Variants in CHCHD6 observed in about 807,000 individuals in gnomAD.
The protein encoded by CHCHD6 is coiled-coil-helix-coiled-coil-helix domain containing 6, also known as MICOS complex subunit MIC25.
In CHCHD6, 28 loss-of-function variants were observed where a neutral mutation model predicts 32.3. That is an observed-to-expected ratio of 0.87 (90% CI 0.64 to 1.19). The LOEUF is 1.19. Ranked by LOEUF, CHCHD6 falls within the 50% of genes most tolerant of loss-of-function variation. The pLI is 0.00. For missense variants in CHCHD6, 333 were observed against 307.0 expected (o/e 1.08, Z -0.63); for synonymous variants, 122 against 117.5 (o/e 1.04, Z -0.25).
intron 5 of CHCHD6, among the ~76,000 whole-genome samples, chr3:126,882,698 A>G (rs962563681): frequency 4.6e-5 from 7 of 152,204 alleles, no homozygotes; most frequent in African/African-American, 1.7e-4. Flanking sequence ...AACCTTTCTA[A>G]GGCAATTATC....
intron 4 of CHCHD6, among the ~76,000 whole-genome samples, chr3:126,747,328 T>C (rs2107666184): frequency 6.6e-6 from 1 of 152,332 alleles, no homozygotes; most frequent in Non-Finnish European, 1.5e-5. Flanking sequence ...TTTCTACTGC[T>C]TATCTGGGAT....
intron 4 of CHCHD6, among the ~76,000 whole-genome samples, chr3:126,760,412 T>A (rs1370066040): frequency 6.6e-6 from 1 of 152,246 alleles, no homozygotes; most frequent in East Asian, 1.9e-4. Context: ...ATAGTCACAA[T>A]GTTGTGCAAC....
intron 4 of CHCHD6, among the ~76,000 whole-genome samples, chr3:126,847,801 C>A (rs1941340685): frequency 6.6e-6 from 1 of 152,088 alleles, no homozygotes; most frequent in Admixed American, 6.5e-5. Flanking sequence ...TTTCTCCTTC[C>A]CCTCGCCCAC....
chr3:126,914,503 T>C (rs1322035359), intron 5 of CHCHD6, among the ~76,000 whole-genome samples, 177 bp from the exon 6 acceptor site: 1 of 152,214 alleles, frequency 6.6e-6, no homozygotes, highest in East Asian at 1.9e-4. Context: ...TATTCTAGGA[T>C]TCTGTAGCAG....
At chr3:126,881,327 T>C (rs56094123) in intron 5 of CHCHD6, among the ~76,000 whole-genome samples, 8,614 of 152,246 alleles carry the variant, frequency 0.057, 776 homozygotes, top group African/African-American at 0.19. Flanking sequence ...GCCCTTTGCC[T>C]CTCTTGGGGT....
chr3:126,761,619 G>T (rs370768630), intron 4 of CHCHD6, among the ~76,000 whole-genome samples: 7 of 152,124 alleles, frequency 4.6e-5, no homozygotes, highest in South Asian at 2.1e-4. Flanking sequence ...TAGGGACAGG[G>T]TCTTGCTATG....
At chr3:126,789,308 G>A (rs1468272956) in intron 4 of CHCHD6, among the ~76,000 whole-genome samples, 1 of 151,982 alleles carries the variant, frequency 6.6e-6, no homozygotes, top group African/African-American at 2.4e-5. Context: ...GTTGATTTGG[G>A]GTGGAGAGTT....
intron 4 of CHCHD6, among the ~76,000 whole-genome samples, chr3:126,775,374 T>C (rs984670079): frequency 6.6e-6 from 1 of 152,206 alleles, no homozygotes; most frequent in African/African-American, 2.4e-5. Flanking sequence ...TTTATGGGCC[T>C]GATTTTTCCC....
At chr3:126,876,088 T>C (rs941954969) in intron 5 of CHCHD6, among the ~76,000 whole-genome samples, 4 of 152,244 alleles carry the variant, frequency 2.6e-5, no homozygotes, top group Admixed American at 6.5e-5. Context: ...CCTAGAATAA[T>C]GGCTAATAAT....
intron 5 of CHCHD6, among the ~76,000 whole-genome samples, chr3:126,900,843 A>G (rs1250915223): frequency 6.6e-6 from 1 of 151,980 alleles, no homozygotes; most frequent in East Asian, 1.9e-4. Context: ...AACTCAGGTG[A>G]TCCTACCATC....
intron 4 of CHCHD6, among the ~76,000 whole-genome samples, chr3:126,828,725 C>A (rs534836359): frequency 6.6e-6 from 1 of 152,130 alleles, no homozygotes; most frequent in African/African-American, 2.4e-5. Context: ...ATTCCAGTAC[C>A]CCTTCAGTCC....
intron 6 of CHCHD6, among the ~76,000 whole-genome samples, chr3:126,950,740 G>A (rs2078704391): frequency 6.6e-6 from 1 of 151,938 alleles, no homozygotes; most frequent in South Asian, 2.1e-4. Flanking sequence ...ATGAGCCATT[G>A]CACCTGGCCT....
chr3:126,927,802 C>T (rs766939665), intron 6 of CHCHD6, among the ~76,000 whole-genome samples: 1 of 152,150 alleles, frequency 6.6e-6, no homozygotes, highest in Non-Finnish European at 1.5e-5. Flanking sequence ...GAGAGGTTAC[C>T]GCTTAGCATC....
At chr3:126,769,329 A>G (rs1937499847) in intron 4 of CHCHD6, among the ~76,000 whole-genome samples, 1 of 152,030 alleles carries the variant, frequency 6.6e-6, no homozygotes, top group Non-Finnish European at 1.5e-5. Context: ...ATTCTTAGGT[A>G]TGTGGCATTA....
intron 5 of CHCHD6, among the ~76,000 whole-genome samples, chr3:126,899,089 A>C (rs1335087156): frequency 6.6e-6 from 1 of 152,240 alleles, no homozygotes; most frequent in Non-Finnish European, 1.5e-5. Flanking sequence ...GATGTCTAAA[A>C]GAGTAGACTG....
intron 4 of CHCHD6, among the ~76,000 whole-genome samples, chr3:126,822,653 G>A (rs1187810545): frequency 1.3e-5 from 2 of 152,216 alleles, no homozygotes; most frequent in Non-Finnish European, 1.5e-5. Flanking sequence ...CTGTAGATCA[G>A]TTAAATCTTT....
At chr3:126,849,406 G>C (rs1352464164) in intron 4 of CHCHD6, among the ~76,000 whole-genome samples, 2 of 152,156 alleles carry the variant, frequency 1.3e-5, no homozygotes, top group African/African-American at 4.8e-5. Flanking sequence ...TTTGTCATCT[G>C]TTCTATATTT....
intron 4 of CHCHD6, among the ~76,000 whole-genome samples, chr3:126,851,158 G>A (rs1217177413): frequency 6.6e-6 from 1 of 152,238 alleles, no homozygotes; most frequent in African/African-American, 2.4e-5. Context: ...CTGGCCTGGT[G>A]TGGCCCTTTC....
chr3:126,733,268 C>T (rs374524762), intron 4 of CHCHD6, 46 bp downstream of exon 4: 177 of 1,579,404 alleles, frequency 1.1e-4, no homozygotes, highest in Non-Finnish European at 1.5e-4. Context: ...CTGGGCAGCA[C>T]CCTGGGAAAT....
Sources: allele counts gnomAD v4.1 joint callset (sites outside exome capture counted in the v4.1 genomes callset), GRCh38; gene constraint gnomAD v4.1.1; transcripts MANE v1.5; gene names NCBI Gene and HGNC (gene_info 2026-07-23, HGNC 2026-07-21).